The following SAAL1 variants were observed in gnomAD, a reference collection of about 807,000 sequenced individuals.
The protein encoded by SAAL1 is protein SAAL1.
Under a neutral mutation model 59.8 loss-of-function variants are expected in SAAL1, and 42 were observed. The ratio of observed to expected loss-of-function variants is 0.70; its 90% CI spans 0.55 to 0.91. SAAL1 has a LOEUF of 0.91. SAAL1 is among the 40% of genes least tolerant of loss of function. The pLI is 0.00. For synonymous variants in SAAL1, 191 were observed against 194.3 expected (o/e 0.98, Z 0.14); for missense variants, 542 against 561.1 (o/e 0.97, Z 0.34).
chr11:18,086,048 T>C (rs1486141512), intron 9 of SAAL1, among the ~76,000 whole-genome samples: 1 of 152,198 alleles, frequency 6.6e-6, no homozygotes, highest in Non-Finnish European at 1.5e-5. Flanking sequence ...AAAAGCAGAA[T>C]TAAATATATG....
intron 1 of SAAL1, among the ~76,000 whole-genome samples, chr11:18,103,818 T>C (rs1161181159): frequency 6.6e-6 from 1 of 152,172 alleles, no homozygotes; most frequent in East Asian, 1.9e-4. Flanking sequence ...AATAATTATG[T>C]GGTAGGAAAG....
chr11:18,087,012 A>G lies in SAAL1; in HGVS notation c.896T>C (p.Phe299Ser). ...DTGKDIWNLL[F>S]DLVCHEFCQS... The stretch of plus-strand genomic sequence containing the variant: ...GCAGAATTCATGGCAGACCAGGTCA[A>G]AAAGTAAATTCCAAATGTCTTTTCC... The change falls in exon 9 of 12, where the codon TTT (phenylalanine) becomes TCT (serine). Residue 299 changes from phenylalanine (F) to serine (S), a missense_variant. Coordinates refer to ENST00000524803, the MANE Select transcript of SAAL1 (RefSeq NM_138421.3). 1 of 1,614,084 alleles carries G rather than the reference A, an allele frequency of 6.2e-7. No individual in the cohort carries two copies. The highest frequency in any genetic ancestry group is 1.1e-5 in the South Asian group (1 of 91,076).
intron 9 of SAAL1, among the ~76,000 whole-genome samples, chr11:18,086,490 G>A (rs560131121): frequency 5.3e-5 from 8 of 152,244 alleles, no homozygotes; most frequent in African/African-American, 1.9e-4. Flanking sequence ...CCTGAGGTCG[G>A]GAGTTCGAGC....
intron 1 of SAAL1, 144 bp downstream of exon 1, chr11:18,105,763 G>T (rs1007425122): frequency 1.9e-6 from 2 of 1,065,794 alleles, no homozygotes; most frequent in South Asian, 2.0e-5. Context: ...CCGGCGAAAC[G>T]CAAGGAGCAA....
At position 18,089,460 on chromosome 11, in the gene SAAL1, C is replaced by T; in HGVS notation, c.640G>A (p.Asp214Asn). The T allele has an allele frequency of 6.2e-7, 1 of 1,612,762 alleles. No homozygotes were observed. Among genetic ancestry groups the T allele is most frequent in the African/African-American group, 1.3e-5 (1 of 74,928 alleles). ...ACCCATTCTAACATTAGTTTCTCATCCAAATCAAAGAGCTTGTCCACAACC... is the reference window on the plus strand; with the variant it reads ...ACCCATTCTAACATTAGTTTCTCATTCAAATCAAAGAGCTTGTCCACAACC... ...GEVVDKLFDLDEKLMLEWVRN... is the reference protein window; with the variant it reads ...GEVVDKLFDLNEKLMLEWVRN... Residue 214 changes from aspartate (D) to asparagine (N), a missense_variant, in exon 7 of 12, where the codon GAT becomes AAT. Coordinates refer to ENST00000524803, the MANE Select transcript of SAAL1 (RefSeq NM_138421.3).
At chr11:18,087,881 T>C (rs1335090965) in intron 7 of SAAL1, among the ~76,000 whole-genome samples, 1 of 152,246 alleles carries the variant, frequency 6.6e-6, no homozygotes, top group Non-Finnish European at 1.5e-5. Context: ...ATGTTATCCC[T>C]ACCTTCATAA....
At chr11:18,104,265 C>T (rs1179317291) in intron 1 of SAAL1, among the ~76,000 whole-genome samples, 2 of 152,144 alleles carry the variant, frequency 1.3e-5, no homozygotes, top group Non-Finnish European at 2.9e-5. Flanking sequence ...AACCCATAAT[C>T]GTTTAGAAGT....
rs1043815959 is a variant in SAAL1, at chr11:18,086,966, G to A, written c.942C>T (p.Ile314=). The change falls in exon 9 of 12, where the codon ATC becomes ATT. Residue 314 remains isoleucine (I), a synonymous_variant. Coordinates refer to ENST00000524803, the MANE Select transcript of SAAL1 (RefSeq NM_138421.3). ...HEFCQSDDPP[I]ILQEQKTVLA... is the part of the protein sequence containing the mutation. ...GCACTGTTTTCTGTTCTTGAAGAAT[G>A]ATGGGTGGATCATCAGACTGGCAGA... 4 of 1,613,904 alleles carry A rather than the reference G, an allele frequency of 2.5e-6. No individual in the cohort carries two copies. The highest frequency in any genetic ancestry group is 2.5e-6 in the Non-Finnish European group (3 of 1,179,762).
chr11:18,083,067 G>GA (rs1236256815), intron 10 of SAAL1: 2 of 152,220 alleles, frequency 1.3e-5, no homozygotes, highest in African/African-American at 2.4e-5. Flanking sequence ...TATATGGATA[G>GA]AAAAAACATG....
rs1848626076 is a variant in SAAL1 at position 18,100,820 on chromosome 11, A to C, written c.249+2413T>G. On this transcript the variant is annotated intron_variant, in intron 2 of 11. Coordinates refer to ENST00000524803, the MANE Select transcript of SAAL1 (RefSeq NM_138421.3). Reference sequence around the variant, plus strand: ...ACAATTAAATATCCATAAGCAAAAAAATAAACTTCATCCATCCTTGCACCA... The same window carrying C: ...ACAATTAAATATCCATAAGCAAAAACATAAACTTCATCCATCCTTGCACCA... 3.3e-5 allele frequency among the ~76,000 whole-genome samples: 5 copies of C among 152,334 alleles called. No individual in the cohort carries two copies. In the South Asian group the frequency reaches 1.0e-3, roughly 32 times the overall value.
intron 2 of SAAL1, among the ~76,000 whole-genome samples, chr11:18,100,422 A>T (rs1848622417): frequency 6.6e-6 from 1 of 152,246 alleles, no homozygotes; most frequent in Non-Finnish European, 1.5e-5. Flanking sequence ...GAAAAAGTAA[A>T]GAATATTAGA....
intron 2 of SAAL1, 41 bp downstream of exon 2, chr11:18,103,192 C>T: frequency 7.5e-7 from 1 of 1,335,460 alleles, no homozygotes; most frequent in Non-Finnish European, 1.1e-6. Flanking sequence ...TCACCATCTC[C>T]TCACCCAACA....
rs1590286970 is a variant in SAAL1, at chr11:18,090,552, T to C, written c.414-59A>G. On this transcript the variant is annotated intron_variant, in intron 4 of 11. Coordinates refer to ENST00000524803, the MANE Select transcript of SAAL1 (RefSeq NM_138421.3). The stretch of plus-strand genomic sequence containing the variant: ...ACTTCTCGCATTTAAAATATCAGAG[T>C]TTTCATTTAATTTTTTGAACATCTT... 12 of 1,550,182 alleles carry C rather than the reference T, an allele frequency of 7.7e-6. No individual in the cohort carries two copies. The East Asian group carries it at 2.5e-4, about 32-fold the overall frequency.
chr11:18,101,553 C>A (rs1238109596), intron 2 of SAAL1, among the ~76,000 whole-genome samples: 2 of 152,156 alleles, frequency 1.3e-5, no homozygotes, highest in African/African-American at 4.8e-5. Flanking sequence ...CCTGAGGCCT[C>A]CCCAGCCATA....
Position 18,090,176 on chromosome 11 carries a change from A to C in SAAL1, c.588T>G (p.Asn196Lys). The stretch of plus-strand genomic sequence containing the variant: ...TTTCTAGAGTACATGATGACTTACC[A>C]TTTGTTGAACTTGACATAATGAAGC... ...SICFIMSSST[N>K]VDLLVKVGEV... Residue 196 changes from asparagine (N) to lysine (K), a missense_variant and splice_region_variant, in exon 6 of 12, where the codon AAT becomes AAG. Transcript: ENST00000524803. 1 of 1,586,096 alleles carries C rather than the reference A, an allele frequency of 6.3e-7. No individual in the cohort carries two copies. Among genetic ancestry groups the C allele is most frequent in the Non-Finnish European group, 8.5e-7 (1 of 1,171,124 alleles).
At position 18,089,483 on chromosome 11, in the gene SAAL1, A is replaced by G; in HGVS notation, c.617T>C (p.Val206Ala). The G allele has an allele frequency of 6.2e-7, 1 of 1,610,436 alleles. No homozygotes were observed. The highest frequency in any genetic ancestry group is 1.3e-5 in the African/African-American group (1 of 74,670). Residue 206 changes from valine to alanine, a missense_variant, in exon 7 of 12, where the codon GTT (valine) becomes GCT (alanine). Val to Ala is a moderately conservative substitution (Grantham distance 64). Coordinates refer to ENST00000524803, the MANE Select transcript of SAAL1 (RefSeq NM_138421.3). Reference protein sequence around the residue: ...NVDLLVKVGEVVDKLFDLDEK... With the variant: ...NVDLLVKVGEAVDKLFDLDEK... ...ATCCAAATCAAAGAGCTTGTCCACA[A>G]CCTCCCCCACCTTCACCAGCAAGTC...
intron 3 of SAAL1, 50 bp downstream of exon 3, chr11:18,096,721 T>A (rs763908390): frequency 3.2e-6 from 3 of 928,590 alleles, no homozygotes; most frequent in Non-Finnish European, 5.4e-6. Flanking sequence ...TCCAGCACTA[T>A]CTGTTCTTAT....
rs1336340439 is a variant in SAAL1 at position 18,099,512 on chromosome 11, A to AT, written c.250-2659dup. ...TTCTAAATGCTACAAAGAAAATAAG[A>AT]TATGTGCTAGAAACCAAGATAAAGC... On this transcript the variant is annotated intron_variant, in intron 2 of 11. Transcript: ENST00000524803. 4.6e-5 allele frequency among the ~76,000 whole-genome samples: 7 copies of AT among 152,344 alleles called. 1 individual carries two copies. The South Asian group carries it at 1.2e-3, about 27-fold the overall frequency.
In SAAL1 at chr11:18,086,988, C is replaced by T; in HGVS notation, c.920G>A (p.Cys307Tyr). Residue 307 changes from cysteine (C) to tyrosine (Y), a missense_variant, in exon 9 of 12, where the codon TGC becomes TAC. Transcript: ENST00000524803. ...AATGATGGGTGGATCATCAGACTGG[C>T]AGAATTCATGGCAGACCAGGTCAAA... is the stretch of plus-strand genomic sequence containing the variant. ...LLFDLVCHEF[C>Y]QSDDPPIILQ... 1 of 1,613,960 alleles carries T rather than the reference C, an allele frequency of 6.2e-7. No homozygotes were observed. The highest frequency in any genetic ancestry group is 8.5e-7 in the Non-Finnish European group (1 of 1,179,842).
Sources: allele counts gnomAD v4.1 joint callset (sites outside exome capture counted in the v4.1 genomes callset), GRCh38; gene constraint gnomAD v4.1.1; transcripts MANE v1.5; gene names NCBI Gene and HGNC (gene_info 2026-07-23, HGNC 2026-07-21).